Variants in NUSAP1 observed in about 807,000 individuals in gnomAD.
NUSAP1 encodes the protein nucleolar and spindle-associated protein 1.
In NUSAP1, 32 loss-of-function variants were observed where a neutral mutation model predicts 52.8. The observed-to-expected ratio is 0.61, with a 90% confidence interval of 0.46 to 0.81. NUSAP1 has a LOEUF of 0.81. NUSAP1 is among the 40% of genes least tolerant of loss of function. NUSAP1 has a pLI of 0.00. For synonymous variants in NUSAP1, 195 were observed against 183.1 expected, an observed-to-expected ratio of 1.06 and a Z score of -0.52; for missense variants, 499 against 522.3, an observed-to-expected ratio of 0.96 and a Z score of 0.43.
intron 2 of NUSAP1, chr15:41,345,479 T>G (rs1250124015): frequency 2.4e-6 from 1 of 424,526 alleles, no homozygotes; most frequent in Admixed American, 2.9e-5. Context: ...TTTTTTTTTT[T>G]TCTGAGTTTC....
At chr15:41,343,781 G>A (rs1042654318) in intron 2 of NUSAP1, among the ~76,000 whole-genome samples, 6 of 151,806 alleles carry the variant, frequency 4.0e-5, no homozygotes, top group Admixed American at 3.3e-4. Flanking sequence ...GTGAGCCACC[G>A]CACCTGGCGT....
chr15:41,343,066 G>T (rs2048422925), intron 2 of NUSAP1: 1 of 152,182 alleles, frequency 6.6e-6, no homozygotes. Context: ...AACTGGATTT[G>T]AAATCAGAAA....
chr15:41,371,469 T>A, intron 7 of NUSAP1, 58 bp from the exon 8 acceptor site: 1 of 1,417,948 alleles, frequency 7.1e-7, no homozygotes, highest in Non-Finnish European at 9.4e-7. Context: ...ATTTATAAGC[T>A]AGACACAAGT....
intron 4 of NUSAP1, among the ~76,000 whole-genome samples, chr15:41,352,877 A>T (rs1481191720): frequency 6.6e-6 from 1 of 152,010 alleles, no homozygotes; most frequent in Non-Finnish European, 1.5e-5. Flanking sequence ...AATACAGGCC[A>T]GTTTTTTGTC....
chr15:41,369,629 C>G (rs2049579102), intron 7 of NUSAP1, among the ~76,000 whole-genome samples: 1 of 151,622 alleles, frequency 6.6e-6, no homozygotes, highest in Non-Finnish European at 1.5e-5. Flanking sequence ...GCCTGGGCAA[C>G]AAGAGCGAAA....
chr15:41,377,384 T>C (rs1348896951), intron 10 of NUSAP1, 80 bp downstream of exon 10: 3 of 745,742 alleles, frequency 4.0e-6, no homozygotes, highest in Non-Finnish European at 6.5e-6. Context: ...TCAGTAATAG[T>C]GGTGTTTTAA....
chr15:41,348,839 T>C (rs916116874), intron 2 of NUSAP1, among the ~76,000 whole-genome samples: 5 of 151,848 alleles, frequency 3.3e-5, no homozygotes, highest in African/African-American at 1.2e-4. Flanking sequence ...AGTTTCACTA[T>C]GTCAACCAGG....
At chr15:41,365,325 T>C in intron 6 of NUSAP1, 77 bp from the exon 7 acceptor site, 2 of 1,248,526 alleles carry the variant, frequency 1.6e-6, no homozygotes, top group Non-Finnish European at 1.1e-6. Flanking sequence ...CCCGGCTAAT[T>C]TTTGTATTTT....
intron 4 of NUSAP1, among the ~76,000 whole-genome samples, chr15:41,353,355 T>C (rs972143390): frequency 3.9e-5 from 6 of 152,174 alleles, no homozygotes; most frequent in African/African-American, 1.4e-4. Context: ...TTGGCCAGAC[T>C]GGTCTCGAAC....
At chr15:41,370,662 A>G (rs2049634965) in intron 7 of NUSAP1, among the ~76,000 whole-genome samples, 1 of 150,868 alleles carries the variant, frequency 6.6e-6, no homozygotes, top group Admixed American at 6.7e-5. Context: ...AGGCAGTAGA[A>G]TCGCTTGAAC....
At chr15:41,351,704 T>C (rs867534160) in intron 4 of NUSAP1, among the ~76,000 whole-genome samples, 8 of 152,110 alleles carry the variant, frequency 5.3e-5, no homozygotes, top group South Asian at 2.1e-4. Context: ...AAAGGGTTGC[T>C]TGAACCCAGG....
intron 4 of NUSAP1, 146 bp from the exon 5 acceptor site, chr15:41,355,893 T>G: frequency 1.8e-6 from 1 of 554,208 alleles, no homozygotes. Context: ...TAAGCCAGGA[T>G]GGTCTTGATC....
intron 8 of NUSAP1, among the ~76,000 whole-genome samples, chr15:41,373,002 C>T (rs544666628): frequency 2.6e-5 from 4 of 151,540 alleles, no homozygotes; most frequent in Admixed American, 6.6e-5. Context: ...GTAGGAGAAT[C>T]GCTTGAACCA....
In NUSAP1 at chr15:41,333,175, G is replaced by C. The variant is rs920778688; in HGVS notation, c.93+125G>C. Reference sequence around the variant, plus strand: ...GGCAGCTCTCCCTGCCCCTCGGGCAGTAGATGTGGTTCACGGTAGTCCCAG... The same window carrying C: ...GGCAGCTCTCCCTGCCCCTCGGGCACTAGATGTGGTTCACGGTAGTCCCAG... On this transcript the variant is annotated intron_variant, in intron 1 of 10. Transcript: ENST00000559596. 4.3e-6 allele frequency: 3 copies of C among 695,988 alleles called. No individual in the cohort carries two copies. The South Asian group carries it at 4.9e-5, about 11-fold the overall frequency. The allele number at this position is 695,988 out of a possible 1,614,324, so 43.1% of individuals were successfully genotyped here.
intron 5 of NUSAP1, among the ~76,000 whole-genome samples, chr15:41,357,818 T>A (rs1013601430): frequency 6.6e-6 from 1 of 152,170 alleles, no homozygotes; most frequent in East Asian, 1.9e-4. Context: ...TTATAAAATA[T>A]CAAATTCATT....
chr15:41,333,000 A>G lies in NUSAP1; in HGVS notation c.43A>G (p.Ser15Gly). The G allele has an allele frequency of 6.2e-7, 1 of 1,612,242 alleles. No individual in the cohort carries two copies. Among genetic ancestry groups the G allele is most frequent in the Non-Finnish European group, 8.5e-7 (1 of 1,179,148 alleles). Residue 15 changes from serine to glycine, a missense_variant, in exon 1 of 11, where the codon AGT becomes GGT. By Grantham distance (56) the Ser-to-Gly change is moderately conservative. Coordinates refer to ENST00000559596, the MANE Select transcript of NUSAP1 (RefSeq NM_016359.5). ...SLEELDSLKY[S>G]DLQNLAKSLG... ...AGAGGAGCTGGACTCCCTCAAGTAC[A>G]GTGACCTGCAGAACTTAGCCAAGAG...
At chr15:41,378,948 T>G (rs1169610921) in intron 10 of NUSAP1, among the ~76,000 whole-genome samples, 1 of 96,992 alleles carries the variant, frequency 1.0e-5, no homozygotes, top group Non-Finnish European at 2.1e-5. Context: ...ATCTTGGTTT[T>G]TTTTTTTTTT....
intron 8 of NUSAP1, among the ~76,000 whole-genome samples, chr15:41,372,854 G>A (rs1482613834): frequency 1.3e-5 from 2 of 152,116 alleles, no homozygotes; most frequent in Admixed American, 6.6e-5. Context: ...TAGGGAGGCC[G>A]AGGTGGGTGG....
chr15:41,372,173 G>A (rs2049725948), intron 8 of NUSAP1, among the ~76,000 whole-genome samples: 1 of 152,084 alleles, frequency 6.6e-6, no homozygotes, highest in Non-Finnish European at 1.5e-5. Flanking sequence ...AGAGACATAA[G>A]CAAAAACCAG....
Sources: gnomAD v4.1 joint callset for allele counts (sites outside exome capture counted in the v4.1 genomes callset) on GRCh38, gnomAD v4.1.1 for gene constraint, MANE v1.5 for transcripts, NCBI Gene and HGNC (gene_info 2026-07-23, HGNC 2026-07-21) for gene names.